The following GPAM variants were observed in gnomAD, a reference collection of about 807,000 sequenced individuals.
The protein encoded by GPAM is glycerol-3-phosphate acyltransferase 1, mitochondrial.
In GPAM, 56 loss-of-function variants were observed where a neutral mutation model predicts 105.0. The ratio of observed to expected loss-of-function variants is 0.53; its 90% CI spans 0.43 to 0.67. The LOEUF (loss-of-function observed/expected upper bound fraction) is 0.67. GPAM is among the 30% of genes least tolerant of loss of function. The probability of loss-of-function intolerance (pLI) is 0.00; values close to 1 mark genes in which losing one functional copy is unlikely to be tolerated. For missense variants in GPAM, 855 were observed against 989.8 expected (o/e 0.86, Z 1.83); for synonymous variants, 368 against 354.4 (o/e 1.04, Z -0.43).
chr10:112,196,426 G>T (rs1847725011), intron 1 of GPAM, among the ~76,000 whole-genome samples: 1 of 152,052 alleles, frequency 6.6e-6, no homozygotes, highest in South Asian at 2.1e-4. Context: ...ACATATAAAA[G>T]CTCAAATATT....
chr10:112,204,031 C>A (rs1390751759), intron 1 of GPAM, among the ~76,000 whole-genome samples: 6 of 152,116 alleles, frequency 3.9e-5, no homozygotes, highest in East Asian at 1.9e-4. Context: ...AAGGTGTATT[C>A]CGTGGAGGAG....
chr10:112,183,827 G>C (rs1847554586), upstream of GPAM: 1 of 152,348 alleles, frequency 6.6e-6, no homozygotes, highest in Non-Finnish European at 1.5e-5. Context: ...CAGCGCCGGG[G>C]GCGGGGCCCG....
intron 1 of GPAM, among the ~76,000 whole-genome samples, chr10:112,211,303 G>A (rs760709526): frequency 6.6e-6 from 1 of 152,152 alleles, no homozygotes; most frequent in Admixed American, 6.5e-5. Flanking sequence ...AGAGGCCCTC[G>A]TTTCACCTGG....
rs1370135178 is a variant in GPAM, at chr10:112,165,878, G to T, written c.1221+524C>A. 2.6e-5 allele frequency among the ~76,000 whole-genome samples: 4 copies of T among 151,672 alleles called. No homozygotes were observed. The South Asian group carries it at 8.3e-4, about 31-fold the overall frequency. On this transcript the variant is annotated intron_variant, in intron 12 of 21. Coordinates refer to ENST00000348367, the MANE Select transcript of GPAM (RefSeq NM_001244949.2). ...TCTCAAAATTTTTTTGACTTTTGGG[G>T]TTAATTGATATATAATACTTGTACA...
At chr10:112,218,514 GGGGTCCTGATTCAGACACCAAAAGA>G (rs1847992436), upstream of GPAM, among the ~76,000 whole-genome samples, 1 of 152,276 alleles carries the variant, frequency 6.6e-6, no homozygotes, top group East Asian at 1.9e-4. Flanking sequence ...TTACCAGAAA[GGGGTCCTGATTCAGACACCAAAAGA>G]GGGTTCTTGG....
At position 112,150,622 on chromosome 10, in the gene GPAM, AT is replaced by A. The variant is rs1564807188; in HGVS notation, c.*2927del. ...GGACATTAGTGAGAGGTTCATAAGTATCCCAAAGGAGAAAAAGGTCCTGGTG... is the reference window on the plus strand; with the variant it reads ...GGACATTAGTGAGAGGTTCATAAGTACCCAAAGGAGAAAAAGGTCCTGGTG... On this transcript the variant is annotated 3_prime_UTR_variant, in exon 22 of 22. Transcript: ENST00000348367. 1 of 929,446 alleles carries A rather than the reference AT, an allele frequency of 1.1e-6. No individual in the cohort carries two copies. Among genetic ancestry groups the A allele is most frequent in the South Asian group, 5.0e-5 (1 of 20,190 alleles). 57.6% of individuals were successfully genotyped at this position (929,446 alleles called of 1,614,324 possible). A position where few individuals can be genotyped will look rare whatever the true frequency, so the allele number is the denominator to read the frequency against.
the GPAM span, among the ~76,000 whole-genome samples, chr10:112,226,552 T>C: frequency 6.6e-6 from 1 of 151,478 alleles, no homozygotes; most frequent in Admixed American, 6.6e-5. Context: ...GCCAAAGAAA[T>C]GAGAAAAGAC....
intron 1 of GPAM, chr10:112,214,252 T>C (rs1485084129): frequency 6.6e-6 from 1 of 152,212 alleles, no homozygotes. Context: ...GGAAATGCGG[T>C]TGGCATGGTT....
At chr10:112,197,286 C>T (rs1346782466) in intron 1 of GPAM, among the ~76,000 whole-genome samples, 9 of 152,098 alleles carry the variant, frequency 5.9e-5, no homozygotes, top group African/African-American at 9.7e-5. Context: ...CTTAGGTAAA[C>T]AGTCTGAATT....
At chr10:112,172,521 G>A (rs1465615357) in intron 8 of GPAM, among the ~76,000 whole-genome samples, 3 of 152,202 alleles carry the variant, frequency 2.0e-5, no homozygotes, top group Non-Finnish European at 4.4e-5. Flanking sequence ...ACAGAAATAA[G>A]TTGGGGGAAG....
chr10:112,188,385 T>C (rs1407940365), upstream of GPAM, among the ~76,000 whole-genome samples: 1 of 152,166 alleles, frequency 6.6e-6, no homozygotes, highest in Admixed American at 6.5e-5. Flanking sequence ...TAATACAGCC[T>C]TTCATTACCC....
intron 1 of GPAM, among the ~76,000 whole-genome samples, chr10:112,183,347 C>T (rs1847542209): frequency 6.6e-6 from 1 of 152,252 alleles, no homozygotes; most frequent in Non-Finnish European, 1.5e-5. Flanking sequence ...ACCGGCTGCT[C>T]TCAGAGTACC....
the GPAM span, among the ~76,000 whole-genome samples, chr10:112,222,099 T>C: frequency 6.6e-6 from 1 of 152,234 alleles, no homozygotes; most frequent in Non-Finnish European, 1.5e-5. Context: ...ACAAAATTTG[T>C]CATGAGTTGA....
upstream of GPAM, among the ~76,000 whole-genome samples, chr10:112,216,495 G>A (rs573361130): frequency 2.0e-5 from 3 of 152,304 alleles, no homozygotes; most frequent in South Asian, 6.2e-4. Flanking sequence ...GACAGGAAGC[G>A]GATCCAAGTC....
rs1386216931 is a variant in GPAM, at chr10:112,161,538, G to T, written c.1494+129C>A. On this transcript the variant is annotated intron_variant, in intron 15 of 21. Coordinates refer to ENST00000348367, the MANE Select transcript of GPAM (RefSeq NM_001244949.2). ...TAAGCTCCTTTGGGCAGGGTCCTCA[G>T]CTTATTTTACTGTTTACCTCATAGT... 7.3e-5 allele frequency: 54 copies of T among 736,512 alleles called. 1 individual carries two copies. Among genetic ancestry groups the T allele is most frequent in the South Asian group, 7.0e-4 (47 of 67,412 alleles). The allele number at this position is 736,512 out of a possible 1,614,324, so 45.6% of individuals were successfully genotyped here.
At chr10:112,160,963 T>G (rs559657783) in intron 15 of GPAM, 95 bp from the exon 16 acceptor site, 1 of 1,066,014 alleles carries the variant, frequency 9.4e-7, no homozygotes, top group South Asian at 1.3e-5. Flanking sequence ...TTGCCTTGGC[T>G]TTCCTGCAGC....
chr10:112,158,464 G>A (rs374693262), intron 17 of GPAM, 71 bp from the exon 18 acceptor site: 10 of 969,966 alleles, frequency 1.0e-5, no homozygotes, highest in Admixed American at 5.2e-5. Flanking sequence ...AGAAAACATG[G>A]TACAAGGTAG....
chr10:112,157,310 C>G lies in GPAM; in HGVS notation c.2060G>C (p.Arg687Thr). The change falls in exon 19 of 22, where the codon AGA becomes ACA. Residue 687 changes from arginine to threonine, a missense_variant. Arg to Thr is a moderately conservative substitution (Grantham distance 71). Coordinates refer to ENST00000348367, the MANE Select transcript of GPAM (RefSeq NM_001244949.2). Reference sequence around the variant, plus strand: ...ACTGTCTTCATCTTCTTCATCACTTCTCCAAGACAAAGGTTCTGGAAGCTT... The same window carrying G: ...ACTGTCTTCATCTTCTTCATCACTTGTCCAAGACAAAGGTTCTGGAAGCTT... ...DKKLPEPLSWRSDEEDEDSDF... is the reference protein window; with the variant it reads ...DKKLPEPLSWTSDEEDEDSDF... 2 of 1,613,630 alleles carry G rather than the reference C, an allele frequency of 1.2e-6. No homozygotes were observed. Among genetic ancestry groups the G allele is most frequent in the Non-Finnish European group, 1.7e-6 (2 of 1,179,512 alleles).
At chr10:112,223,817 C>A in the GPAM span, among the ~76,000 whole-genome samples, 2 of 152,156 alleles carry the variant, frequency 1.3e-5, no homozygotes, top group African/African-American at 4.8e-5. Flanking sequence ...AAGACTACAG[C>A]AAAATTCTAT....
Sources: gnomAD v4.1 joint callset for allele counts (sites outside exome capture counted in the v4.1 genomes callset) on GRCh38, gnomAD v4.1.1 for gene constraint, MANE v1.5 for transcripts, NCBI Gene and HGNC (gene_info 2026-07-23, HGNC 2026-07-21) for gene names.